The following AKAP12 variants were observed in gnomAD, a reference collection of about 807,000 sequenced individuals.
AKAP12 encodes the protein A-kinase anchor protein 12.
A neutral mutation model predicts 79.9 loss-of-function variants in AKAP12; 32 were observed. The observed-to-expected ratio is 0.40, with a 90% CI of 0.30 to 0.54. AKAP12 has a LOEUF of 0.54. Among genes scored for constraint, AKAP12 ranks in the 20% least tolerant of loss-of-function variants. AKAP12 has a pLI of 0.48. For missense variants in AKAP12, 2,074 were observed against 2,177.0 expected (o/e 0.95, Z 0.94); for synonymous variants, 808 against 857.0 (o/e 0.94, Z 1.00).
intron 3 of AKAP12, chr6:151,319,541 G>T (rs201530660): frequency 0.011 from 782 of 68,460 alleles, 10 homozygotes; most frequent in African/African-American, 0.065. Context: ...TATATATATA[G>T]ATATAGATAT....
chr6:151,315,385 C>T (rs952403272), intron 3 of AKAP12, among the ~76,000 whole-genome samples: 4 of 152,162 alleles, frequency 2.6e-5, no homozygotes, highest in African/African-American at 9.7e-5. Context: ...CACCCTTAAG[C>T]CTCTTATATG....
In AKAP12 at chr6:151,351,671, T is replaced by C. The variant is rs1232936590; in HGVS notation, c.3280T>C (p.Leu1094=). 1 of 1,613,926 alleles carries C rather than the reference T, an allele frequency of 6.2e-7. No individual in the cohort carries two copies. The highest frequency in any genetic ancestry group is 1.7e-5 in the Admixed American group (1 of 59,992). ...SGLKKETDVV[L]KVDAQEAKTE... is the part of the protein sequence containing the mutation. Reference sequence around the variant, plus strand: ...TCTGAAGAAAGAGACGGATGTAGTGTTGAAAGTAGATGCTCAGGAGGCAAA... The same window carrying C: ...TCTGAAGAAAGAGACGGATGTAGTGCTGAAAGTAGATGCTCAGGAGGCAAA... The change falls in exon 4 of 5, where the codon TTG becomes CTG. Residue 1094 remains leucine, a synonymous_variant. Coordinates refer to ENST00000402676, the MANE Select transcript of AKAP12 (RefSeq NM_005100.4). The surrounding 1 kb of genome is among the most constrained non-coding windows in gnomAD (Gnocchi z 4.4).
chr6:151,293,413 T>A (rs1776658879), intron 2 of AKAP12, among the ~76,000 whole-genome samples: 1 of 152,258 alleles, frequency 6.6e-6, no homozygotes, highest in Admixed American at 6.5e-5. Context: ...ATATTCATTA[T>A]TCTAACTCTT....
intron 2 of AKAP12, among the ~76,000 whole-genome samples, chr6:151,263,885 A>G (rs1381968094): frequency 1.3e-5 from 2 of 152,088 alleles, no homozygotes; most frequent in Non-Finnish European, 2.9e-5. Context: ...AGCTCTTGAG[A>G]GATCTTACCG....
intron 2 of AKAP12, among the ~76,000 whole-genome samples, chr6:151,304,647 CTCCACCTCCCACA>C (rs1459906068): frequency 2.6e-5 from 4 of 151,542 alleles, no homozygotes; most frequent in African/African-American, 9.7e-5. Context: ...TCGCTGTAAC[CTCCACCTCCCACA>C]TCCACCTCCA....
At position 151,267,594 on chromosome 6, in the gene AKAP12, A is replaced by G. The variant is rs1400156531; in HGVS notation, c.162+26870A>G. Among the ~76,000 whole-genome samples the G allele has an allele frequency of 3.9e-5, 6 of 152,258 alleles. No individual in the cohort carries two copies. In the East Asian group the frequency reaches 1.2e-3, roughly 29 times the overall value. On this transcript the variant is annotated intron_variant, in intron 2 of 4. Transcript: ENST00000402676. ...AGGGCTATTGGGTGGTTTTCAGAGC[A>G]CCAATCCATTTCCTCTGACGATTTT...
intron 2 of AKAP12, among the ~76,000 whole-genome samples, chr6:151,299,134 A>G (rs1176823994): frequency 6.6e-6 from 1 of 152,222 alleles, no homozygotes; most frequent in Non-Finnish European, 1.5e-5. Context: ...GAACTGTGAT[A>G]TGCTTGGCTC....
At chr6:151,334,454 G>GT (rs1440860447) in intron 3 of AKAP12, among the ~76,000 whole-genome samples, 3 of 151,924 alleles carry the variant, frequency 2.0e-5, no homozygotes, top group African/African-American at 7.2e-5. Flanking sequence ...ATTTAGCGGG[G>GT]CGTGGTGGTG....
chr6:151,300,922 G>A (rs1454954478), intron 2 of AKAP12, among the ~76,000 whole-genome samples: 3 of 152,274 alleles, frequency 2.0e-5, no homozygotes, highest in South Asian at 2.1e-4. Context: ...TGTAAGGAGC[G>A]TGTCTTTCAA....
intron 2 of AKAP12, among the ~76,000 whole-genome samples, chr6:151,257,528 C>T (rs1384319605): frequency 6.6e-6 from 1 of 152,074 alleles, no homozygotes. Flanking sequence ...AACTCCTGAC[C>T]TCAAGCGATC....
In AKAP12 at chr6:151,358,367, C is replaced by CA; in HGVS notation, c.*2653_*2654insA. 6.6e-6 allele frequency: 1 copy of CA among 152,208 alleles called. No homozygotes were observed. The highest frequency in any genetic ancestry group is 6.5e-5 in the Admixed American group (1 of 15,278). The allele number at this position is 152,208 out of a possible 1,614,324, so 9.4% of individuals were successfully genotyped here. On this transcript the variant is annotated 3_prime_UTR_variant, in exon 5 of 5. Coordinates refer to ENST00000402676, the MANE Select transcript of AKAP12 (RefSeq NM_005100.4). ...TCTCTCTGTACATAGATAAATTGTT[C>CA]CAATATTTTCCTTTGATGTTTGGAA... is the stretch of plus-strand genomic sequence containing the variant.
chr6:151,276,573 T>G (rs951666685), intron 2 of AKAP12, among the ~76,000 whole-genome samples: 1 of 152,382 alleles, frequency 6.6e-6, no homozygotes, highest in East Asian at 1.9e-4. Context: ...GTTCCTCCAG[T>G]GCTGACCAGC....
chr6:151,287,983 A>G (rs1776538800), intron 2 of AKAP12, among the ~76,000 whole-genome samples: 1 of 149,778 alleles, frequency 6.7e-6, no homozygotes, highest in South Asian at 2.1e-4. Flanking sequence ...CAAACACCAC[A>G]TGTTCTCACT....
chr6:151,268,935 T>C (rs568359019), intron 2 of AKAP12, among the ~76,000 whole-genome samples: 56 of 139,450 alleles, frequency 4.0e-4, no homozygotes, highest in African/African-American at 1.4e-3. Flanking sequence ...TGAGCCACCG[T>C]GCTCGGCCTG....
At chr6:151,314,044 T>C (rs1777181365) in intron 3 of AKAP12, among the ~76,000 whole-genome samples, 1 of 151,692 alleles carries the variant, frequency 6.6e-6, no homozygotes. Flanking sequence ...TTTTTTTTTT[T>C]CGGAGACAGA....
At chr6:151,258,194 C>G (rs993963420) in intron 2 of AKAP12, among the ~76,000 whole-genome samples, 7 of 152,216 alleles carry the variant, frequency 4.6e-5, no homozygotes, top group African/African-American at 1.7e-4. Flanking sequence ...GGTATTGTAA[C>G]TGTATGTGAA....
At chr6:151,273,886 G>A (rs961693067) in intron 2 of AKAP12, among the ~76,000 whole-genome samples, 2 of 151,990 alleles carry the variant, frequency 1.3e-5, no homozygotes, top group Non-Finnish European at 2.9e-5. Context: ...AAAATTAGCC[G>A]GGTATGGTGG....
At chr6:151,272,222 G>A (rs1776196943) in intron 2 of AKAP12, among the ~76,000 whole-genome samples, 1 of 151,630 alleles carries the variant, frequency 6.6e-6, no homozygotes, top group Admixed American at 6.6e-5. Flanking sequence ...GTGCAGGCCT[G>A]TAGTCCTAGC....
chr6:151,350,876 G>A lies in AKAP12; in HGVS notation c.2485G>A (p.Glu829Lys). 6.2e-7 allele frequency: 1 copy of A among 1,614,136 alleles called. No homozygotes were observed. The highest frequency in any genetic ancestry group is 8.5e-7 in the Non-Finnish European group (1 of 1,180,018). The change falls in exon 4 of 5, where the codon GAA becomes AAA. Residue 829 changes from glutamate (E) to lysine (K), a missense_variant. Transcript: ENST00000402676. This position sits in a 1 kb window ranked among gnomAD's most constrained non-coding sequence, Gnocchi z 4.8. The part of the protein sequence containing the change: ...PDGKQEQAPV[E>K]DAGPTGANED... ...TGGGAAACAAGAACAAGCCCCTGTT[G>A]AAGACGCAGGGCCAACAGGGGCCAA...
Sources: gnomAD v4.1 joint callset for allele counts (sites outside exome capture counted in the v4.1 genomes callset) on GRCh38, gnomAD v4.1.1 for gene constraint, Gnocchi (gnomAD v3.1) non-coding constraint, MANE v1.5 for transcripts, NCBI Gene and HGNC (gene_info 2026-07-23, HGNC 2026-07-21) for gene names.